NUCKS1: variants seen among roughly 807,000 people sequenced by gnomAD.
NUCKS1 encodes the protein nuclear ubiquitous casein and cyclin-dependent kinase substrate 1.
A neutral mutation model predicts 33.0 loss-of-function variants in NUCKS1; 2 were observed. The ratio of observed to expected loss-of-function variants is 0.06; its 90% CI spans 0.02 to 0.19. The LOEUF (loss-of-function observed/expected upper bound fraction) is 0.19, where lower values mean the gene tolerates loss of function less well. Ranked by LOEUF, NUCKS1 falls within the 10% of genes least tolerant of loss-of-function variation. The pLI is 1.00. For missense variants in NUCKS1, 201 were observed against 293.6 expected (o/e 0.68, Z 2.31); for synonymous variants, 106 against 102.8 (o/e 1.03, Z -0.19).
chr1:205,746,860 A>G (rs868549043), intron 1 of NUCKS1, among the ~76,000 whole-genome samples: 1 of 152,236 alleles, frequency 6.6e-6, no homozygotes, highest in Admixed American at 6.5e-5. Context: ...AAAGGTATCA[A>G]GCACACTTAG....
intron 1 of NUCKS1, among the ~76,000 whole-genome samples, chr1:205,738,682 A>C (rs1654092394): frequency 1.3e-5 from 2 of 152,142 alleles, no homozygotes; most frequent in Non-Finnish European, 2.9e-5. Context: ...GGATGGCTTC[A>C]GCCCATAAAT....
intron 1 of NUCKS1, among the ~76,000 whole-genome samples, chr1:205,738,630 C>G (rs1414324749): frequency 6.6e-6 from 1 of 152,106 alleles, no homozygotes; most frequent in Admixed American, 6.5e-5. Context: ...GGTGTGGTGG[C>G]CCACACCTGT....
chr1:205,746,443 T>TCACACACACACA (rs759670793), intron 1 of NUCKS1, among the ~76,000 whole-genome samples: 11 of 70,170 alleles, frequency 1.6e-4, no homozygotes, highest in African/African-American at 5.4e-5. Flanking sequence ...CACTTCTCTC[T>TCACACACACACA]CTCTCTCTCT....
intron 1 of NUCKS1, among the ~76,000 whole-genome samples, chr1:205,737,015 A>G (rs185452879): frequency 6.6e-6 from 1 of 152,206 alleles, no homozygotes; most frequent in East Asian, 1.9e-4. Context: ...CTCTGAAGCT[A>G]AATACTAGGG....
chr1:205,743,349 AT>A (rs1278822940), intron 1 of NUCKS1, among the ~76,000 whole-genome samples: 2 of 152,252 alleles, frequency 1.3e-5, no homozygotes, highest in African/African-American at 4.8e-5. Context: ...CATCTCCACT[AT>A]ATAAACCCAG....
intron 1 of NUCKS1, among the ~76,000 whole-genome samples, chr1:205,737,465 A>G (rs534715438): frequency 1.3e-5 from 2 of 152,358 alleles, no homozygotes; most frequent in East Asian, 3.9e-4. Flanking sequence ...TTCAGGCAAC[A>G]GTGCAAACAG....
chr1:205,724,378 G>T (rs901427784), intron 3 of NUCKS1, among the ~76,000 whole-genome samples: 3 of 152,140 alleles, frequency 2.0e-5, no homozygotes, highest in African/African-American at 7.2e-5. Context: ...AAGAAAAACT[G>T]CTAAAATATC....
intron 1 of NUCKS1, among the ~76,000 whole-genome samples, chr1:205,734,435 G>C (rs1437735433): frequency 6.6e-6 from 1 of 151,818 alleles, no homozygotes; most frequent in African/African-American, 2.4e-5. Flanking sequence ...CATAAAATCA[G>C]TGTAAAGCAA....
rs1671773744 is a variant in NUCKS1, at chr1:205,713,254, AG to A, written c.*5025del. ...ACAAAACAAAAAAAAAGTTTACAAA[AG>A]AAAAAAAGATACAGAAAAAGAATAA... On this transcript the variant is annotated 3_prime_UTR_variant, in exon 7 of 7. Coordinates refer to ENST00000367142, the MANE Select transcript of NUCKS1 (RefSeq NM_022731.5). 6.6e-6 allele frequency: 1 copy of A among 152,176 alleles called. No individual in the cohort carries two copies. The highest frequency in any genetic ancestry group is 2.4e-5 in the African/African-American group (1 of 41,442). The allele number at this position is 152,176 out of a possible 1,614,324, so 9.4% of individuals were successfully genotyped here.
At chr1:205,744,126 A>C (rs1339500319) in intron 1 of NUCKS1, among the ~76,000 whole-genome samples, 2 of 152,180 alleles carry the variant, frequency 1.3e-5, no homozygotes, top group Non-Finnish European at 2.9e-5. Context: ...CCCCACAACA[A>C]AAGTTCTATT....
chr1:205,731,483 A>G (rs1016514970), intron 1 of NUCKS1: 3 of 152,196 alleles, frequency 2.0e-5, no homozygotes, highest in African/African-American at 7.2e-5. Flanking sequence ...TCTTCTCTAG[A>G]GATATACATG....
At chr1:205,732,318 G>T (rs1303238997) in intron 1 of NUCKS1, among the ~76,000 whole-genome samples, 2 of 152,094 alleles carry the variant, frequency 1.3e-5, no homozygotes, top group East Asian at 1.9e-4. Flanking sequence ...GTACATGAGG[G>T]ACCTAGAGTA....
chr1:205,719,444 C>T, intron 6 of NUCKS1, 83 bp downstream of exon 6: 1 of 1,425,508 alleles, frequency 7.0e-7, no homozygotes, highest in Non-Finnish European at 9.5e-7. Context: ...ATGCCAAATC[C>T]TAATGAGGAA....
chr1:205,733,249 T>C (rs963332022), intron 1 of NUCKS1, among the ~76,000 whole-genome samples: 1 of 152,212 alleles, frequency 6.6e-6, no homozygotes, highest in African/African-American at 2.4e-5. Context: ...CGGTATATCA[T>C]ATGAAGAACA....
intron 1 of NUCKS1, among the ~76,000 whole-genome samples, chr1:205,734,212 A>G (rs1317545051): frequency 6.6e-6 from 1 of 152,102 alleles, no homozygotes; most frequent in Non-Finnish European, 1.5e-5. Flanking sequence ...AGACACTAAA[A>G]AGGATACTTT....
intron 1 of NUCKS1, among the ~76,000 whole-genome samples, chr1:205,734,058 T>C (rs1653978923): frequency 6.6e-6 from 1 of 152,050 alleles, no homozygotes; most frequent in Non-Finnish European, 1.5e-5. Flanking sequence ...TTTTTTTTTT[T>C]TGTAGAGACG....
chr1:205,739,997 G>GTTTTTTTTTTT (rs60866378), intron 1 of NUCKS1, among the ~76,000 whole-genome samples: 6 of 81,772 alleles, frequency 7.3e-5, no homozygotes, highest in Admixed American at 1.9e-4. Flanking sequence ...TTTACTTTAG[G>GTTTTTTTTTTT]TTTTTTTTTT....
chr1:205,738,438 T>TA (rs1445779947), intron 1 of NUCKS1, among the ~76,000 whole-genome samples: 2 of 135,026 alleles, frequency 1.5e-5, no homozygotes, highest in Admixed American at 7.5e-5. Context: ...CATGCCCAGC[T>TA]AATTTTTTTT....
chr1:205,731,716 C>G (rs1653917581), intron 1 of NUCKS1, among the ~76,000 whole-genome samples: 1 of 151,966 alleles, frequency 6.6e-6, no homozygotes, highest in African/African-American at 2.4e-5. Flanking sequence ...GTGGTGAAAC[C>G]CCGTCTCCAC....
Sources: gnomAD v4.1 joint callset for allele counts (sites outside exome capture counted in the v4.1 genomes callset) on GRCh38, gnomAD v4.1.1 for gene constraint, MANE v1.5 for transcripts, NCBI Gene and HGNC (gene_info 2026-07-23, HGNC 2026-07-21) for gene names.